Variants in EIF4ENIF1 observed in about 807,000 individuals in gnomAD.
EIF4ENIF1 encodes eukaryotic translation initiation factor 4E transporter.
Under a neutral mutation model 110.5 loss-of-function variants are expected in EIF4ENIF1, and 23 were observed. The ratio of observed to expected loss-of-function variants is 0.21; its 90% CI spans 0.15 to 0.29. The LOEUF is 0.29. EIF4ENIF1 is among the 10% of genes least tolerant of loss of function. EIF4ENIF1 has a pLI of 1.00. For missense variants in EIF4ENIF1, 1,031 were observed against 1,221.1 expected, an observed-to-expected ratio of 0.84 and a Z score of 2.32; for synonymous variants, 440 against 437.0, an observed-to-expected ratio of 1.01 and a Z score of -0.09.
At chr22:31,476,628 C>T (rs961676044) in intron 2 of EIF4ENIF1, among the ~76,000 whole-genome samples, 6 of 152,098 alleles carry the variant, frequency 3.9e-5, no homozygotes, top group Admixed American at 3.9e-4. Context: ...GGCACGGTGG[C>T]TCACACATGT....
chr22:31,454,176 T>C lies in EIF4ENIF1; in HGVS notation c.1480A>G (p.Ser494Gly). Residue 494 changes from serine (S) to glycine (G), a missense_variant, in exon 10 of 19, where the codon AGT becomes GGT. Physicochemically the swap from Ser to Gly is moderately conservative, Grantham distance 56 (BLOSUM62 0). Coordinates refer to ENST00000330125, the MANE Select transcript of EIF4ENIF1 (RefSeq NM_019843.4). ...TTGGGCTGAGAAGGCAAAGTCCCACTTGCCTTCATTGTGCTCACTAGCTTG... is the reference window on the plus strand; with the variant it reads ...TTGGGCTGAGAAGGCAAAGTCCCACCTGCCTTCATTGTGCTCACTAGCTTG... ...FNKLVSTMKASGTLPSQPKVS... is the reference protein window; with the variant it reads ...FNKLVSTMKAGGTLPSQPKVS... The C allele has an allele frequency of 1.2e-6, 2 of 1,614,218 alleles. No homozygotes were observed. Among genetic ancestry groups the C allele is most frequent in the Non-Finnish European group, 1.7e-6 (2 of 1,180,036 alleles).
chr22:31,455,467 C>T (rs5997990), intron 8 of EIF4ENIF1, 152 bp from the exon 9 acceptor site: 209,572 of 621,986 alleles, frequency 0.34, 38,166 homozygotes, highest in Middle Eastern at 0.42. Flanking sequence ...GGCGCAATCT[C>T]GGCTCACTGC....
chr22:31,461,093 T>C (rs1284986541), intron 6 of EIF4ENIF1, among the ~76,000 whole-genome samples: 1 of 152,236 alleles, frequency 6.6e-6, no homozygotes, highest in African/African-American at 2.4e-5. Context: ...GATGGGTACA[T>C]GTGTTCTTCA....
intron 2 of EIF4ENIF1, among the ~76,000 whole-genome samples, chr22:31,478,475 C>T (rs555287571): frequency 7.2e-6 from 1 of 139,364 alleles, no homozygotes; most frequent in Admixed American, 7.8e-5. Context: ...GAGATCATGC[C>T]ACAGCACTAC....
chr22:31,482,103 G>A (rs2051836238), intron 2 of EIF4ENIF1, among the ~76,000 whole-genome samples: 1 of 151,130 alleles, frequency 6.6e-6, no homozygotes, highest in East Asian at 2.0e-4. Flanking sequence ...TGCAGAGTTC[G>A]AGGCTGCAGT....
chr22:31,455,153 T>A lies in EIF4ENIF1; in HGVS notation c.1262A>T (p.Glu421Val). 1 of 1,611,824 alleles carries A rather than the reference T, an allele frequency of 6.2e-7. No individual in the cohort carries two copies. The highest frequency in any genetic ancestry group is 8.5e-7 in the Non-Finnish European group (1 of 1,179,400). The part of the protein sequence containing the change: ...PLLSSLSANK[E>V]KLKESSHSGV... ...ACACTTACAGCTTTCTTTAAGTTTT[T>A]CTTTATTTGCAGAAAGGCTGGAAAG... is the stretch of plus-strand genomic sequence containing the variant. The change falls in exon 9 of 19, where the codon GAA becomes GTA. Residue 421 changes from glutamate (E) to valine (V), a missense_variant. Around this residue, in one of 3 missense-constraint regions of EIF4ENIF1, gnomAD observed 704 missense variants for 879.7 expected, o/e 0.80. Coordinates refer to ENST00000330125, the MANE Select transcript of EIF4ENIF1 (RefSeq NM_019843.4).
In EIF4ENIF1 at chr22:31,450,318, C is replaced by G; in HGVS notation, c.1555G>C (p.Gly519Arg). Reference protein sequence around the residue: ...SHLMSPAEIPGQPVPKNILQE... With the variant: ...SHLMSPAEIPRQPVPKNILQE... Reference sequence around the variant, plus strand: ...AGGATGTTCTTAGGGACAGGCTGGCCTGGAATCTCAGCAGGGGACATCAAA... The same window carrying G: ...AGGATGTTCTTAGGGACAGGCTGGCGTGGAATCTCAGCAGGGGACATCAAA... Residue 519 changes from glycine (G) to arginine (R), a missense_variant, in exon 11 of 19, where the codon GGC becomes CGC. Around this residue, in one of 3 missense-constraint regions of EIF4ENIF1, gnomAD observed 704 missense variants for 879.7 expected, o/e 0.80. Transcript: ENST00000330125. The G allele has an allele frequency of 6.2e-7, 1 of 1,613,624 alleles. No individual in the cohort carries two copies. Among genetic ancestry groups the G allele is most frequent in the Non-Finnish European group, 8.5e-7 (1 of 1,179,652 alleles).
Position 31,440,698 on chromosome 22 carries a change from A to G in EIF4ENIF1, c.2716+6T>C. ...CCAAACTCACCTGTCACATTCCTGA[A>G]CCTACCTGAGCGCTGTAGCTGCTGT... On this transcript the variant is annotated splice_donor_region_variant and intron_variant, in intron 18 of 18. Coordinates refer to ENST00000330125, the MANE Select transcript of EIF4ENIF1 (RefSeq NM_019843.4). 6.2e-7 allele frequency: 1 copy of G among 1,613,232 alleles called. No homozygotes were observed. Among genetic ancestry groups the G allele is most frequent in the South Asian group, 1.1e-5 (1 of 91,036 alleles).
chr22:31,454,097 A>G (rs985008797), intron 10 of EIF4ENIF1, 47 bp downstream of exon 10: 4 of 1,528,124 alleles, frequency 2.6e-6, no homozygotes, highest in Admixed American at 3.7e-5. Flanking sequence ...GGGAAAAAGA[A>G]GAAAAAAAAA....
chr22:31,456,454 A>G (rs925791715), intron 7 of EIF4ENIF1, among the ~76,000 whole-genome samples: 1 of 151,576 alleles, frequency 6.6e-6, no homozygotes, highest in Non-Finnish European at 1.5e-5. Flanking sequence ...CGATCTCCTG[A>G]CCTTGTGATC....
At chr22:31,478,299 A>C in intron 2 of EIF4ENIF1, among the ~76,000 whole-genome samples, 1 of 151,970 alleles carries the variant, frequency 6.6e-6, no homozygotes, top group Non-Finnish European at 1.5e-5. Context: ...CTATCACTTG[A>C]GTCAGGAGTT....
chr22:31,486,807 G>A (rs964839263), intron 2 of EIF4ENIF1, among the ~76,000 whole-genome samples: 1 of 152,046 alleles, frequency 6.6e-6, no homozygotes, highest in Non-Finnish European at 1.5e-5. Context: ...ACGGCTGGGC[G>A]CAGTGGCTCA....
chr22:31,484,710 T>C (rs1482040707), intron 2 of EIF4ENIF1, among the ~76,000 whole-genome samples: 1 of 152,128 alleles, frequency 6.6e-6, no homozygotes, highest in Admixed American at 6.6e-5. Context: ...GGCGCATGCT[T>C]GTAATCCCAG....
At chr22:31,488,204 G>A (rs2052117425) in intron 2 of EIF4ENIF1, among the ~76,000 whole-genome samples, 1 of 152,116 alleles carries the variant, frequency 6.6e-6, no homozygotes, top group Admixed American at 6.6e-5. Context: ...CCCATGAAAA[G>A]CACACTCAAG....
chr22:31,469,838 A>G (rs1173790647), intron 3 of EIF4ENIF1, among the ~76,000 whole-genome samples: 1 of 152,144 alleles, frequency 6.6e-6, no homozygotes, highest in African/African-American at 2.4e-5. Context: ...GACTACAGGC[A>G]GGTGCCACCA....
chr22:31,448,326 A>C, intron 12 of EIF4ENIF1, 94 bp from the exon 13 acceptor site: 1 of 1,234,704 alleles, frequency 8.1e-7, no homozygotes, highest in Non-Finnish European at 1.2e-6. Context: ...GCTGAACGCC[A>C]TCTCTTGGAA....
Position 31,462,984 on chromosome 22 carries a change from T to A in EIF4ENIF1, c.735A>T (p.Glu245Asp), listed in dbSNP as rs1339643130. 1.9e-6 allele frequency: 3 copies of A among 1,614,162 alleles called. No homozygotes were observed. The highest frequency in any genetic ancestry group is 2.5e-6 in the Non-Finnish European group (3 of 1,180,022). The change falls in exon 6 of 19, where the codon GAA (glutamate) becomes GAT (aspartate). Residue 245 changes from glutamate (E) to aspartate (D), a missense_variant. Physicochemically the swap from Glu to Asp is conservative, Grantham distance 45. Around this residue, in one of 3 missense-constraint regions of EIF4ENIF1, gnomAD observed 704 missense variants for 879.7 expected, o/e 0.80. Transcript: ENST00000330125. ...LTGFDDKILE[E>D]DHKGRKRTRR... ...TTGTTCTTTTTCTCCCTTTGTGATCTTCTTCTAGTATCTTATCATCAAAGC... is the reference window on the plus strand; with the variant it reads ...TTGTTCTTTTTCTCCCTTTGTGATCATCTTCTAGTATCTTATCATCAAAGC...
chr22:31,478,465 G>A (rs1289571816), intron 2 of EIF4ENIF1, among the ~76,000 whole-genome samples: 6 of 136,536 alleles, frequency 4.4e-5, no homozygotes, highest in East Asian at 2.1e-4. Context: ...GTAGTGAGCC[G>A]AGATCATGCC....
chr22:31,490,248 G>A (rs1888900850), upstream of EIF4ENIF1, among the ~76,000 whole-genome samples: 1 of 152,262 alleles, frequency 6.6e-6, no homozygotes, highest in South Asian at 2.1e-4. Context: ...AGCACGGCCT[G>A]TGGCGCGACG....
Sources: allele counts gnomAD v4.1 joint callset (sites outside exome capture counted in the v4.1 genomes callset), GRCh38; gene constraint gnomAD v4.1.1; regional missense constraint gnomAD v4.1.1; transcripts MANE v1.5; gene names NCBI Gene and HGNC (gene_info 2026-07-23, HGNC 2026-07-21).